ENPP6: variants seen among roughly 807,000 people sequenced by gnomAD.
ENPP6 encodes the protein glycerophosphocholine cholinephosphodiesterase ENPP6.
Under a neutral mutation model 42.0 loss-of-function variants are expected in ENPP6, and 32 were observed. The observed-to-expected ratio is 0.76, with a 90% CI of 0.58 to 1.02. The LOEUF is 1.02. ENPP6 is among the 50% of genes least tolerant of loss of function. ENPP6 has a pLI of 0.00. For synonymous variants in ENPP6, 213 were observed against 216.0 expected, an observed-to-expected ratio of 0.99 and a Z score of 0.12; for missense variants, 552 against 566.8, an observed-to-expected ratio of 0.97 and a Z score of 0.27.
At position 184,217,860 on chromosome 4, in the gene ENPP6, G is replaced by A. The variant is rs367775884; in HGVS notation, c.-41C>T. The A allele has an allele frequency of 1.5e-5, 24 of 1,597,558 alleles. No homozygotes were observed. The highest frequency in any genetic ancestry group is 2.3e-5 in the East Asian group (1 of 44,330). Reference sequence around the variant, plus strand: ...CCAGAGCCCGGCTGGCACAGCTGTCGCCTTGCAAAGACTGAGGATGGAGAA... The same window carrying A: ...CCAGAGCCCGGCTGGCACAGCTGTCACCTTGCAAAGACTGAGGATGGAGAA... On this transcript the variant is annotated 5_prime_UTR_variant, in exon 1 of 8. Coordinates refer to ENST00000296741, the MANE Select transcript of ENPP6 (RefSeq NM_153343.4).
chr4:184,143,100 G>A (rs760044910), intron 2 of ENPP6, among the ~76,000 whole-genome samples: 3 of 152,226 alleles, frequency 2.0e-5, no homozygotes, highest in African/African-American at 4.8e-5. Flanking sequence ...CCTGACCAAA[G>A]CCTCCTTCTC....
At chr4:184,202,718 A>C (rs1247758966) in intron 1 of ENPP6, among the ~76,000 whole-genome samples, 4 of 152,276 alleles carry the variant, frequency 2.6e-5, no homozygotes, top group South Asian at 2.1e-4. Context: ...AGGAAATCGG[A>C]GGGGAGGTCA....
At chr4:184,115,061 G>A (rs190763146) in intron 5 of ENPP6, among the ~76,000 whole-genome samples, 3 of 152,274 alleles carry the variant, frequency 2.0e-5, no homozygotes, top group Admixed American at 6.5e-5. Context: ...AAGGAAATCC[G>A]GAGTTCTTAA....
intron 6 of ENPP6, among the ~76,000 whole-genome samples, chr4:184,109,239 AAAAC>A (rs1305033150): frequency 6.7e-5 from 7 of 104,804 alleles, no homozygotes; most frequent in South Asian, 7.5e-4. Flanking sequence ...ACAACAAAAA[AAAAC>A]AAAACAAACA....
chr4:184,160,412 T>G (rs909383251), intron 1 of ENPP6, among the ~76,000 whole-genome samples: 4 of 152,254 alleles, frequency 2.6e-5, no homozygotes, highest in African/African-American at 4.8e-5. Context: ...CATTGAGCAT[T>G]TTTTCATATG....
At chr4:184,141,617 C>A (rs1418374233) in intron 2 of ENPP6, among the ~76,000 whole-genome samples, 4 of 152,122 alleles carry the variant, frequency 2.6e-5, no homozygotes. Context: ...GTTTTTAGGA[C>A]CTCCTCTTAT....
chr4:184,167,157 C>T (rs942818713), intron 1 of ENPP6, among the ~76,000 whole-genome samples: 1 of 152,162 alleles, frequency 6.6e-6, no homozygotes, highest in Non-Finnish European at 1.5e-5. Flanking sequence ...ACTCTGGTGC[C>T]CAGGCTGGAG....
intron 2 of ENPP6, 84 bp downstream of exon 2, chr4:184,153,470 G>T: frequency 7.0e-7 from 1 of 1,420,484 alleles, no homozygotes; most frequent in Non-Finnish European, 9.5e-7. Flanking sequence ...ACCACGGCTT[G>T]GTCTTCAAAC....
intron 1 of ENPP6, among the ~76,000 whole-genome samples, chr4:184,154,124 C>T (rs557633538): frequency 1.3e-5 from 2 of 152,182 alleles, no homozygotes; most frequent in African/African-American, 2.4e-5. Flanking sequence ...ACCCTCCTCC[C>T]GTGAGATCAG....
intron 1 of ENPP6, among the ~76,000 whole-genome samples, chr4:184,183,502 C>T (rs201997017): frequency 3.3e-5 from 1 of 30,692 alleles, no homozygotes; most frequent in East Asian, 0.056. Flanking sequence ...TGCATGTATA[C>T]ACACACACAC....
At chr4:184,153,016 T>C (rs1407502216) in intron 2 of ENPP6, among the ~76,000 whole-genome samples, 1 of 152,020 alleles carries the variant, frequency 6.6e-6, no homozygotes, top group East Asian at 1.9e-4. Context: ...CAAGCTATCC[T>C]GTGGTGTTTG....
chr4:184,206,893 G>GATCTCT (rs1160805175), intron 1 of ENPP6, among the ~76,000 whole-genome samples: 1 of 152,226 alleles, frequency 6.6e-6, no homozygotes, highest in Non-Finnish European at 1.5e-5. Flanking sequence ...GTCTTGGGGA[G>GATCTCT]ATCTCTATCC....
intron 3 of ENPP6, among the ~76,000 whole-genome samples, chr4:184,123,587 A>G (rs999783391): frequency 6.6e-6 from 1 of 152,154 alleles, no homozygotes; most frequent in African/African-American, 2.4e-5. Flanking sequence ...GACTGACTTC[A>G]GGCTTTGTCC....
chr4:184,115,628 C>A lies in ENPP6; in HGVS notation c.855+1228G>T, dbSNP rs372839091. On this transcript the variant is annotated intron_variant, in intron 5 of 7. Coordinates refer to ENST00000296741, the MANE Select transcript of ENPP6 (RefSeq NM_153343.4). ...GCTCAGCGTGCTTCCATATCCCTCACAGCAGCCAGGAGGCAGCTATGACAG... is the reference window on the plus strand; with the variant it reads ...GCTCAGCGTGCTTCCATATCCCTCAAAGCAGCCAGGAGGCAGCTATGACAG... Among the ~76,000 whole-genome samples, 173 of 152,284 alleles carry A rather than the reference C, an allele frequency of 1.1e-3. 1 individual carries two copies. In the Middle Eastern group the frequency reaches 0.014, roughly 12 times the overall value.
chr4:184,197,559 C>T (rs1238848794), intron 1 of ENPP6, among the ~76,000 whole-genome samples: 1 of 152,200 alleles, frequency 6.6e-6, no homozygotes, highest in Non-Finnish European at 1.5e-5. Flanking sequence ...GTTTTTCTCC[C>T]TTTATCTGGT....
In ENPP6 at chr4:184,131,275, C is replaced by CTTT. The variant is rs747126902; in HGVS notation, c.422-7004_422-7003insAAA. Among the ~76,000 whole-genome samples the CTTT allele has an allele frequency of 8.5e-3, 683 of 80,056 alleles. 32 individuals carry two copies. The highest frequency in any genetic ancestry group is 0.013 in the East Asian group (40 of 3,092). 52.5% of individuals were successfully genotyped at this position (80,056 alleles called of 152,430 possible). On this transcript the variant is annotated intron_variant, in intron 2 of 7. Transcript: ENST00000296741. ...TTCTCTTTCTCTTCCTTCCTTCCTT[C>CTTT]CTTCCTTCCTTCCTTCCTTCCTTCC...
At chr4:184,211,519 T>C (rs1252155043) in intron 1 of ENPP6, among the ~76,000 whole-genome samples, 1 of 151,900 alleles carries the variant, frequency 6.6e-6, no homozygotes, top group Non-Finnish European at 1.5e-5. Context: ...ACACATACAC[T>C]CTCCCAAGAC....
At chr4:184,145,725 A>G (rs1014251114) in intron 2 of ENPP6, among the ~76,000 whole-genome samples, 4 of 152,180 alleles carry the variant, frequency 2.6e-5, no homozygotes, top group African/African-American at 7.2e-5. Context: ...AGTTCCAGCC[A>G]TCTCCTGCCT....
chr4:184,112,189 C>G (rs747794062), intron 6 of ENPP6, among the ~76,000 whole-genome samples: 2 of 152,158 alleles, frequency 1.3e-5, no homozygotes, highest in Non-Finnish European at 2.9e-5. Flanking sequence ...GGAGGTCATT[C>G]AGGCATGAGG....
Sources: allele counts gnomAD v4.1 joint callset (sites outside exome capture counted in the v4.1 genomes callset), GRCh38; gene constraint gnomAD v4.1.1; transcripts MANE v1.5; gene names NCBI Gene and HGNC (gene_info 2026-07-23, HGNC 2026-07-21).